PKIG: variants seen among roughly 807,000 people sequenced by gnomAD.
PKIG encodes the protein protein kinase (cAMP-dependent, catalytic) inhibitor gamma.
In PKIG, 1 loss-of-function variant was observed where a neutral mutation model predicts 6.8. The observed-to-expected ratio is 0.15, with a 90% confidence interval of 0.05 to 0.69. PKIG has a LOEUF of 0.69. PKIG is among the 30% of genes least tolerant of loss of function. PKIG has a pLI of 0.82. For synonymous variants in PKIG, 39 were observed against 43.0 expected (o/e 0.91, Z 0.36); for missense variants, 77 against 104.0 (o/e 0.74, Z 1.13).
At chr20:44,551,301 A>G (rs1243872462) in intron 1 of PKIG, among the ~76,000 whole-genome samples, 3 of 152,104 alleles carry the variant, frequency 2.0e-5, no homozygotes, top group African/African-American at 7.2e-5. Flanking sequence ...TGATCTGCCC[A>G]CCTCGGCCTC....
intron 1 of PKIG, among the ~76,000 whole-genome samples, chr20:44,532,569 C>T (rs1419581701): frequency 6.6e-6 from 1 of 152,138 alleles, no homozygotes; most frequent in Non-Finnish European, 1.5e-5. Flanking sequence ...GAGGGAACTC[C>T]ACAGTTTTCC....
chr20:44,575,834 A>G (rs1015528055), intron 1 of PKIG, among the ~76,000 whole-genome samples: 2 of 152,188 alleles, frequency 1.3e-5, no homozygotes, highest in Non-Finnish European at 2.9e-5. Flanking sequence ...TGGCTGGCAC[A>G]GGACCTTCAG....
rs73615496 is a variant in PKIG at position 44,611,967 on chromosome 20, G to A, written c.-23-2567G>A. Among the ~76,000 whole-genome samples the A allele has an allele frequency of 2.6e-5, 4 of 151,606 alleles. No individual in the cohort carries two copies. The East Asian group carries it at 7.7e-4, about 29-fold the overall frequency. ...TAACAAGATTTCATTCTTTTTTATG[G>A]CTGAATAGTATTCCTTTGTGTATAT... is the stretch of plus-strand genomic sequence containing the variant. On this transcript the variant is annotated intron_variant, in intron 2 of 3. Coordinates refer to ENST00000372886, the MANE Select transcript of PKIG (RefSeq NM_001281445.2).
rs896371342 is a variant in PKIG, at chr20:44,618,531, C to T, written c.*167C>T. On this transcript the variant is annotated 3_prime_UTR_variant, in exon 4 of 4. Transcript: ENST00000372886. ...CTCTGTGGCCTCCACTCCGGGAAAG[C>T]CCTCTGCCCACACCCACAGGCTTCA... The T allele has an allele frequency of 5.1e-6, 3 of 587,306 alleles. No individual in the cohort carries two copies. The highest frequency in any genetic ancestry group is 9.2e-6 in the Non-Finnish European group (3 of 326,912). The allele number at this position is 587,306 out of a possible 1,614,324, so 36.4% of individuals were successfully genotyped here. A position where few individuals can be genotyped will look rare whatever the true frequency, so the allele number is the denominator to read the frequency against.
At chr20:44,536,212 G>T (rs1377189861) in intron 1 of PKIG, among the ~76,000 whole-genome samples, 1 of 152,086 alleles carries the variant, frequency 6.6e-6, no homozygotes, top group Non-Finnish European at 1.5e-5. Flanking sequence ...TCCATTCATC[G>T]ATGGTCACTT....
At chr20:44,534,178 A>G (rs973548422) in intron 1 of PKIG, among the ~76,000 whole-genome samples, 1 of 152,142 alleles carries the variant, frequency 6.6e-6, no homozygotes, top group African/African-American at 2.4e-5. Context: ...GAGCCAGTGG[A>G]GAGAGAGAAA....
rs578208330 is a variant in PKIG, at chr20:44,606,800, C to T, written c.-23-7734C>T. Among the ~76,000 whole-genome samples, 23 of 152,312 alleles carry T rather than the reference C, an allele frequency of 1.5e-4. No individual in the cohort carries two copies. The South Asian group carries it at 4.6e-3, about 30-fold the overall frequency. On this transcript the variant is annotated intron_variant, in intron 2 of 3. Transcript: ENST00000372886. Reference sequence around the variant, plus strand: ...TTCCAGCATGGGCGACAGAACAAGACTCCATCAAATAAATAAATAAATGGG... The same window carrying T: ...TTCCAGCATGGGCGACAGAACAAGATTCCATCAAATAAATAAATAAATGGG...
At position 44,614,374 on chromosome 20, in the gene PKIG, T is replaced by A. The variant is rs1265772907; in HGVS notation, c.-23-160T>A. On this transcript the variant is annotated intron_variant, in intron 2 of 3. Coordinates refer to ENST00000372886, the MANE Select transcript of PKIG (RefSeq NM_001281445.2). This position sits in a 1 kb window ranked among gnomAD's most constrained non-coding sequence, Gnocchi z 4.6. Reference sequence around the variant, plus strand: ...GTCTGGGTGTGGAATTATGAGTGACTTGTTTTGTTCTTTGTACTTTTCTGT... The same window carrying A: ...GTCTGGGTGTGGAATTATGAGTGACATGTTTTGTTCTTTGTACTTTTCTGT... 1.1e-5 allele frequency: 6 copies of A among 553,208 alleles called. No homozygotes were observed. In the African/African-American group the frequency reaches 1.1e-4, roughly 10 times the overall value. 34.3% of individuals were successfully genotyped at this position (553,208 alleles called of 1,614,324 possible). A position where few individuals can be genotyped will look rare whatever the true frequency, so the allele number is the denominator to read the frequency against.
intron 2 of PKIG, among the ~76,000 whole-genome samples, chr20:44,593,579 G>A (rs1180491161): frequency 6.6e-6 from 1 of 152,174 alleles, no homozygotes; most frequent in Admixed American, 6.5e-5. Context: ...GAGTAGAAGG[G>A]TGGTTTCCAG....
chr20:44,569,258 C>G (rs936986995), intron 1 of PKIG, among the ~76,000 whole-genome samples: 6 of 152,174 alleles, frequency 3.9e-5, no homozygotes, highest in Non-Finnish European at 7.3e-5. Context: ...AATACCTATT[C>G]CAGTCAAGCT....
At chr20:44,601,353 C>T (rs1469725911) in intron 2 of PKIG, among the ~76,000 whole-genome samples, 1 of 152,264 alleles carries the variant, frequency 6.6e-6, no homozygotes, top group Non-Finnish European at 1.5e-5. Context: ...ACTGCCCAGG[C>T]AGGCGACAGG....
intron 2 of PKIG, among the ~76,000 whole-genome samples, chr20:44,602,990 A>T (rs1343491484): frequency 6.6e-6 from 1 of 152,196 alleles, no homozygotes; most frequent in Non-Finnish European, 1.5e-5. Context: ...CACTGTTATG[A>T]TGCAGGGCCG....
rs574892866 is a variant in PKIG, at chr20:44,544,307, AT to A, written c.-241+12340del. 4.8e-3 allele frequency among the ~76,000 whole-genome samples: 713 copies of A among 149,698 alleles called. 3 individuals carry two copies. Among genetic ancestry groups the A allele is most frequent in the Non-Finnish European group, 5.7e-3 (386 of 67,252 alleles). On this transcript the variant is annotated intron_variant, in intron 1 of 4. Transcript: ENST00000372887. The stretch of plus-strand genomic sequence containing the variant: ...ACAGAATTGTGTTTCTGTTAGGAAA[AT>A]TTTTTTTTTTCTATGAGTAGGTGAA...
chr20:44,589,704 G>A (rs2065019382), intron 1 of PKIG, 93 bp from the exon 2 acceptor site: 1 of 152,214 alleles, frequency 6.6e-6, no homozygotes, highest in Non-Finnish European at 1.5e-5. Context: ...CAAGTTAATA[G>A]ATATTGTCAA....
chr20:44,547,548 A>G (rs1195012710), intron 1 of PKIG, among the ~76,000 whole-genome samples: 1 of 152,102 alleles, frequency 6.6e-6, no homozygotes, highest in Non-Finnish European at 1.5e-5. Flanking sequence ...TGACATAGGA[A>G]AGTGGGAAGA....
chr20:44,558,602 C>CTTTCTT (rs2064738299), intron 1 of PKIG, among the ~76,000 whole-genome samples: 1 of 147,488 alleles, frequency 6.8e-6, no homozygotes, highest in Non-Finnish European at 1.5e-5. Flanking sequence ...TTCTTTCTTT[C>CTTTCTT]TTTCTTTCTT....
At chr20:44,535,143 A>G (rs1178978874) in intron 1 of PKIG, among the ~76,000 whole-genome samples, 1 of 152,238 alleles carries the variant, frequency 6.6e-6, no homozygotes, top group Non-Finnish European at 1.5e-5. Context: ...AATACTTAGA[A>G]ATAAACTTAA....
At chr20:44,533,899 C>A (rs1365932509) in intron 1 of PKIG, among the ~76,000 whole-genome samples, 4 of 152,096 alleles carry the variant, frequency 2.6e-5, no homozygotes, top group African/African-American at 7.2e-5. Flanking sequence ...TAAAATGTGT[C>A]CTTTTGGGTA....
intron 1 of PKIG, among the ~76,000 whole-genome samples, chr20:44,544,686 C>T (rs1330435574): frequency 2.0e-5 from 3 of 152,150 alleles, no homozygotes; most frequent in African/African-American, 7.2e-5. Context: ...TCCATTCTTA[C>T]TTGTGAAGAA....
Sources: allele counts gnomAD v4.1 joint callset (sites outside exome capture counted in the v4.1 genomes callset), GRCh38; gene constraint gnomAD v4.1.1; non-coding constraint Gnocchi (gnomAD v3.1); transcripts MANE v1.5; gene names NCBI Gene and HGNC (gene_info 2026-07-23, HGNC 2026-07-21).